The following MPPED2 variants were observed in gnomAD, a reference collection of about 807,000 sequenced individuals.
MPPED2 encodes metallophosphoesterase domain containing 2.
A neutral mutation model predicts 33.0 loss-of-function variants in MPPED2; 5 were observed. The ratio of observed to expected loss-of-function variants is 0.15; its 90% CI spans 0.08 to 0.32. The LOEUF (loss-of-function observed/expected upper bound fraction) is 0.32, where lower values mean the gene tolerates loss of function less well. MPPED2 is among the 10% of genes least tolerant of loss of function. The pLI is 1.00. For missense variants in MPPED2, 275 were observed against 372.1 expected, an observed-to-expected ratio of 0.74 and a Z score of 2.15; for synonymous variants, 136 against 141.9, an observed-to-expected ratio of 0.96 and a Z score of 0.29.
chr11:30,480,773 A>T (rs557195530), intron 4 of MPPED2, among the ~76,000 whole-genome samples: 1 of 152,148 alleles, frequency 6.6e-6, no homozygotes, highest in Admixed American at 6.6e-5. Flanking sequence ...GAAAAAAGTT[A>T]TGCATTTCAA....
chr11:30,514,552 C>T lies in MPPED2; in HGVS notation c.311-19031G>A, dbSNP rs535147018. Reference sequence around the variant, plus strand: ...AGACTAAATTCCTTGTTTCTTACAGCGTTTTGTTTCTTACAGTCAAAAGCC... The same window carrying T: ...AGACTAAATTCCTTGTTTCTTACAGTGTTTTGTTTCTTACAGTCAAAAGCC... On this transcript the variant is annotated intron_variant, in intron 3 of 6. Transcript: ENST00000358117. 1.8e-4 allele frequency among the ~76,000 whole-genome samples: 28 copies of T among 152,152 alleles called. 1 individual carries two copies. Among genetic ancestry groups the T allele is most frequent in the African/African-American group, 4.8e-4 (20 of 41,532 alleles).
At chr11:30,479,814 C>G (rs761572260) in intron 4 of MPPED2, among the ~76,000 whole-genome samples, 1 of 151,920 alleles carries the variant, frequency 6.6e-6, no homozygotes, top group Non-Finnish European at 1.5e-5. Flanking sequence ...TATAAAAGTG[C>G]CTTTTTTAGA....
At chr11:30,393,844 CTGAGTTT>C (rs930051952) in intron 6 of MPPED2, among the ~76,000 whole-genome samples, 2 of 152,148 alleles carry the variant, frequency 1.3e-5, no homozygotes, top group African/African-American at 2.4e-5. Flanking sequence ...GTGTGCAGTT[CTGAGTTT>C]TAACACAGTA....
chr11:30,547,775 T>A (rs972975689), intron 2 of MPPED2, among the ~76,000 whole-genome samples: 1 of 152,204 alleles, frequency 6.6e-6, no homozygotes, highest in Admixed American at 6.5e-5. Context: ...CTTTCTTGGT[T>A]CCCTCATTCA....
Position 30,463,542 on chromosome 11 carries a change from C to G in MPPED2, c.536+31754G>C, listed in dbSNP as rs1015920574. On this transcript the variant is annotated intron_variant, in intron 4 of 6. Transcript: ENST00000358117. ...CAGCAGGCTCAGTCTCTGGATTTTGCTCTTTCCTCCCAGCTTAGTTCTGCG... is the reference window on the plus strand; with the variant it reads ...CAGCAGGCTCAGTCTCTGGATTTTGGTCTTTCCTCCCAGCTTAGTTCTGCG... 9.8e-5 allele frequency among the ~76,000 whole-genome samples: 15 copies of G among 152,324 alleles called. No homozygotes were observed. The South Asian group carries it at 1.0e-3, about 11-fold the overall frequency.
chr11:30,443,354 C>G (rs1300318888), intron 4 of MPPED2, among the ~76,000 whole-genome samples: 1 of 152,082 alleles, frequency 6.6e-6, no homozygotes, highest in East Asian at 1.9e-4. Context: ...AGTGGAGGCA[C>G]CTGGGGTTTA....
At chr11:30,484,721 G>C (rs765959815) in intron 4 of MPPED2, among the ~76,000 whole-genome samples, 7 of 152,068 alleles carry the variant, frequency 4.6e-5, no homozygotes, top group African/African-American at 9.7e-5. Context: ...ACTCTTCCAT[G>C]CCTTTTGACC....
chr11:30,510,059 A>G lies in MPPED2; in HGVS notation c.311-14538T>C, dbSNP rs143050778. 1.3e-3 allele frequency among the ~76,000 whole-genome samples: 197 copies of G among 152,338 alleles called. 1 individual carries two copies. The highest frequency in any genetic ancestry group is 4.6e-3 in the African/African-American group (192 of 41,590). Reference sequence around the variant, plus strand: ...TGGGTCCTAACATTCATCTGCCACTACCAGCAAGTATCATGCAGTAACACC... The same window carrying G: ...TGGGTCCTAACATTCATCTGCCACTGCCAGCAAGTATCATGCAGTAACACC... On this transcript the variant is annotated intron_variant, in intron 3 of 6. Transcript: ENST00000358117.
At chr11:30,545,512 G>A (rs950237610) in intron 2 of MPPED2, among the ~76,000 whole-genome samples, 9 of 152,248 alleles carry the variant, frequency 5.9e-5, no homozygotes, top group Admixed American at 3.9e-4. Flanking sequence ...ATCAGGACAC[G>A]AACATCATTT....
chr11:30,398,588 C>G (rs1036638355), intron 6 of MPPED2, among the ~76,000 whole-genome samples: 3 of 152,140 alleles, frequency 2.0e-5, no homozygotes, highest in African/African-American at 7.2e-5. Flanking sequence ...ATTCTTGGTT[C>G]TTTCCCTCTC....
chr11:30,584,371 CA>C (rs1564921305), intron 1 of MPPED2: 1,403 of 77,902 alleles, frequency 0.018, 25 homozygotes, highest in African/African-American at 0.035. Context: ...CACACACACA[CA>C]CACACCACAT....
chr11:30,565,940 G>A (rs1357555964), intron 2 of MPPED2, among the ~76,000 whole-genome samples: 3 of 151,788 alleles, frequency 2.0e-5, no homozygotes, highest in Admixed American at 6.6e-5. Context: ...CTGTTATGAC[G>A]GTGTTATCTG....
intron 2 of MPPED2, among the ~76,000 whole-genome samples, chr11:30,553,725 T>C (rs1416424573): frequency 6.6e-6 from 1 of 152,116 alleles, no homozygotes; most frequent in East Asian, 1.9e-4. Context: ...GAATTCTGAT[T>C]CAAGCCACAT....
At chr11:30,479,019 G>C (rs530069966) in intron 4 of MPPED2, among the ~76,000 whole-genome samples, 17 of 152,198 alleles carry the variant, frequency 1.1e-4, no homozygotes, top group Non-Finnish European at 2.4e-4. Context: ...ACTTCAGCTT[G>C]CATGCCTAAA....
chr11:30,423,823 G>T (rs1044612756), intron 4 of MPPED2, among the ~76,000 whole-genome samples: 3 of 152,030 alleles, frequency 2.0e-5, no homozygotes, highest in African/African-American at 4.8e-5. Flanking sequence ...TACACAGAGA[G>T]AATTGCTCAC....
chr11:30,394,313 G>A (rs1011917879), intron 6 of MPPED2, among the ~76,000 whole-genome samples: 1 of 152,192 alleles, frequency 6.6e-6, no homozygotes, highest in Non-Finnish European at 1.5e-5. Flanking sequence ...TAGATCATCT[G>A]TAAATGTATC....
intron 2 of MPPED2, among the ~76,000 whole-genome samples, chr11:30,556,215 G>A (rs973429876): frequency 5.3e-5 from 8 of 152,092 alleles, no homozygotes; most frequent in African/African-American, 1.9e-4. Flanking sequence ...AAGGATCCTT[G>A]GAGACCATCT....
intron 4 of MPPED2, among the ~76,000 whole-genome samples, chr11:30,483,827 A>G (rs1565113081): frequency 1.3e-5 from 2 of 152,162 alleles, no homozygotes; most frequent in Non-Finnish European, 2.9e-5. Context: ...AGTATATCCT[A>G]TTAGGTTTAG....
intron 4 of MPPED2, among the ~76,000 whole-genome samples, chr11:30,493,512 A>G (rs1352590563): frequency 6.6e-6 from 1 of 152,048 alleles, no homozygotes; most frequent in African/African-American, 2.4e-5. Context: ...GGACTGGGGT[A>G]CTTTTCTGTA....
Sources: gnomAD v4.1 joint callset for allele counts (sites outside exome capture counted in the v4.1 genomes callset) on GRCh38, gnomAD v4.1.1 for gene constraint, MANE v1.5 for transcripts, NCBI Gene and HGNC (gene_info 2026-07-23, HGNC 2026-07-21) for gene names.